Variants in MYBPC1 observed in about 807,000 individuals in gnomAD.
The protein encoded by MYBPC1 is myosin binding protein C1.
In MYBPC1, 52 loss-of-function variants were observed where a neutral mutation model predicts 147.1. That is an observed-to-expected ratio of 0.35 (90% CI 0.28 to 0.45). The LOEUF (loss-of-function observed/expected upper bound fraction) is 0.45, where lower values mean the gene tolerates loss of function less well. Ranked by LOEUF, MYBPC1 falls within the 20% of genes least tolerant of loss-of-function variation. The pLI, the probability that MYBPC1 is intolerant of heterozygous loss-of-function variation, is 1.00. For synonymous variants in MYBPC1, 477 were observed against 475.9 expected, an observed-to-expected ratio of 1.00 and a Z score of -0.03; for missense variants, 1,228 against 1,440.3, an observed-to-expected ratio of 0.85 and a Z score of 2.39.
chr12:101,650,857 A>T, intron 15 of MYBPC1: 3 of 322,770 alleles, frequency 9.3e-6, no homozygotes, highest in Non-Finnish European at 1.8e-5. Flanking sequence ...AACTGTTGTG[A>T]AGCAGTAGAA....
chr12:101,690,173 C>CT (rs1424071454), downstream of MYBPC1, among the ~76,000 whole-genome samples: 1 of 151,298 alleles, frequency 6.6e-6, no homozygotes, highest in Non-Finnish European at 1.5e-5. Flanking sequence ...GAGACTCCAT[C>CT]TAAAAAAAAA....
At chr12:101,605,772 G>T (rs1401350014) in intron 1 of MYBPC1, among the ~76,000 whole-genome samples, 1 of 151,826 alleles carries the variant, frequency 6.6e-6, no homozygotes, top group African/African-American at 2.4e-5. Flanking sequence ...TGAGGCAGGA[G>T]AATCTCTTGA....
At chr12:101,678,600 T>C (rs566066814) in intron 28 of MYBPC1, among the ~76,000 whole-genome samples, 1 of 152,308 alleles carries the variant, frequency 6.6e-6, no homozygotes, top group African/African-American at 2.4e-5. Context: ...CTGTCTGCGA[T>C]AGGTTAAAGT....
chr12:101,642,652 A>G, intron 11 of MYBPC1, 67 bp downstream of exon 11: 2 of 1,527,018 alleles, frequency 1.3e-6, no homozygotes, highest in South Asian at 1.2e-5. Context: ...TTGACCGTGA[A>G]CCCCATCCCG....
intron 25 of MYBPC1, 70 bp from the exon 26 acceptor site, chr12:101,675,222 T>C: frequency 1.3e-6 from 2 of 1,590,264 alleles, no homozygotes; most frequent in Non-Finnish European, 1.7e-6. Flanking sequence ...TTTTAAAATA[T>C]CCTCATGAAA....
At chr12:101,682,997 A>T (rs1951114041) in intron 30 of MYBPC1, among the ~76,000 whole-genome samples, 2 of 152,176 alleles carry the variant, frequency 1.3e-5, no homozygotes, top group Admixed American at 1.3e-4. Flanking sequence ...TTCATTTTTT[A>T]AATGTAGAGA....
chr12:101,683,819 C>A (rs537307552), intron 30 of MYBPC1, among the ~76,000 whole-genome samples: 2 of 152,120 alleles, frequency 1.3e-5, no homozygotes, highest in South Asian at 2.1e-4. Flanking sequence ...TTTTTGAAAG[C>A]TTTGTAGATT....
chr12:101,691,071 C>CTTAT, the MYBPC1 span, among the ~76,000 whole-genome samples: 3 of 151,716 alleles, frequency 2.0e-5, no homozygotes, highest in South Asian at 2.1e-4. Context: ...GATTTATTTA[C>CTTAT]TTATTTATTT....
chr12:101,630,672 T>C lies in MYBPC1; in HGVS notation c.290-899T>C, dbSNP rs1215758655. Among the ~76,000 whole-genome samples the C allele has an allele frequency of 2.6e-5, 4 of 152,302 alleles. No individual in the cohort carries two copies. In the East Asian group the frequency reaches 7.7e-4, roughly 29 times the overall value. On this transcript the variant is annotated intron_variant, in intron 6 of 31. Coordinates refer to ENST00000361466, the MANE Select transcript of MYBPC1 (RefSeq NM_002465.4). ...AATTCAAAAATATTGATTATATACCTCCTGTTTTAGGCACTGAGTATAACA... is the reference window on the plus strand; with the variant it reads ...AATTCAAAAATATTGATTATATACCCCCTGTTTTAGGCACTGAGTATAACA...
chr12:101,657,476 G>A (rs1479523854), intron 18 of MYBPC1, among the ~76,000 whole-genome samples: 2 of 152,144 alleles, frequency 1.3e-5, no homozygotes, highest in African/African-American at 4.8e-5. Context: ...AGGATAAGAA[G>A]AGTCAAGGCT....
rs368046357 is a variant in MYBPC1 at position 101,670,369 on chromosome 12, G to T, written c.2573G>T (p.Arg858Leu). The stretch of plus-strand genomic sequence containing the variant: ...AGACACCTGAAGCAAACCTATATCC[G>T]CAGAGTTGGAGAAGCTGTCAATCTG... ...IPRHLKQTYI[R>L]RVGEAVNLVI... The change falls in exon 24 of 32, where the codon CGC (arginine) becomes CTC (leucine). Residue 858 changes from arginine (R) to leucine (L), a missense_variant. By Grantham distance (102) the Arg-to-Leu change is moderately radical (BLOSUM62 -2). Transcript: ENST00000361466. The T allele has an allele frequency of 5.6e-6, 9 of 1,613,888 alleles. No individual in the cohort carries two copies. Among genetic ancestry groups the T allele is most frequent in the African/African-American group, 2.7e-5 (2 of 74,900 alleles).
chr12:101,655,965 T>A (rs1373147779), intron 18 of MYBPC1, among the ~76,000 whole-genome samples: 1 of 152,118 alleles, frequency 6.6e-6, no homozygotes, highest in Admixed American at 6.5e-5. Context: ...TGTATTCAAT[T>A]AGGTATGCTT....
intron 1 of MYBPC1, among the ~76,000 whole-genome samples, chr12:101,607,779 G>C (rs1882792477): frequency 6.6e-6 from 1 of 152,170 alleles, no homozygotes; most frequent in African/African-American, 2.4e-5. Context: ...AGAGAACTGG[G>C]TGTTTTGTTG....
intron 1 of MYBPC1, among the ~76,000 whole-genome samples, chr12:101,606,916 C>T (rs1882427513): frequency 6.6e-6 from 1 of 152,066 alleles, no homozygotes; most frequent in African/African-American, 2.4e-5. Flanking sequence ...CCTTCGCCTA[C>T]CCAGCTCAAG....
In MYBPC1 at chr12:101,598,316, G is replaced by A. The variant is rs367717534; in HGVS notation, c.25+3221G>A. Among the ~76,000 whole-genome samples, 33 of 152,096 alleles carry A rather than the reference G, an allele frequency of 2.2e-4. No individual in the cohort carries two copies. In the East Asian group the frequency reaches 5.2e-3, roughly 24 times the overall value. ...ATTACAGGCATGAGCCACTGTGCCC[G>A]GCCAAGAAATCACCTTTCACTGGAA... On this transcript the variant is annotated intron_variant, in intron 1 of 31. Transcript: ENST00000361466.
chr12:101,617,173 T>TA, intron 2 of MYBPC1, 29 bp from the exon 3 acceptor site: 1 of 1,613,194 alleles, frequency 6.2e-7, no homozygotes, highest in Non-Finnish European at 8.5e-7. Context: ...TAAGGCACTT[T>TA]AAAAAATATG....
At chr12:101,654,968 G>A (rs928503927) in intron 18 of MYBPC1, among the ~76,000 whole-genome samples, 4 of 151,998 alleles carry the variant, frequency 2.6e-5, no homozygotes, top group African/African-American at 2.4e-5. Flanking sequence ...ATTTATATAG[G>A]AATACAAAAA....
chr12:101,599,171 C>A (rs1878770474), intron 1 of MYBPC1, among the ~76,000 whole-genome samples: 1 of 152,132 alleles, frequency 6.6e-6, no homozygotes, highest in Non-Finnish European at 1.5e-5. Context: ...AGGTGCCATT[C>A]TGATAACTTT....
intron 1 of MYBPC1, among the ~76,000 whole-genome samples, chr12:101,608,727 T>C (rs1346947341): frequency 1.3e-5 from 2 of 152,202 alleles, no homozygotes; most frequent in Non-Finnish European, 2.9e-5. Context: ...AAGCGGGGGA[T>C]TCCTTAGAAA....
Sources: gnomAD v4.1 joint callset for allele counts (sites outside exome capture counted in the v4.1 genomes callset) on GRCh38, gnomAD v4.1.1 for gene constraint, MANE v1.5 for transcripts, NCBI Gene and HGNC (gene_info 2026-07-23, HGNC 2026-07-21) for gene names.